TBC1D22A: variants seen among roughly 807,000 people sequenced by gnomAD.
TBC1D22A encodes TBC1 domain family member 22A.
A neutral mutation model predicts 60.2 loss-of-function variants in TBC1D22A; 38 were observed. The ratio of observed to expected loss-of-function variants is 0.63; its 90% CI spans 0.49 to 0.83. The LOEUF is 0.83. TBC1D22A is among the 40% of genes least tolerant of loss of function. The pLI is 0.00. For missense variants in TBC1D22A, 628 were observed against 701.0 expected, an observed-to-expected ratio of 0.90 and a Z score of 1.18; for synonymous variants, 302 against 281.7, an observed-to-expected ratio of 1.07 and a Z score of -0.72.
chr22:47,012,950 C>T (rs1396503791), intron 10 of TBC1D22A, among the ~76,000 whole-genome samples: 1 of 152,176 alleles, frequency 6.6e-6, no homozygotes, highest in Non-Finnish European at 1.5e-5. Context: ...CTCTGGCCAC[C>T]CCCACCCAGT....
intron 11 of TBC1D22A, among the ~76,000 whole-genome samples, chr22:47,063,827 G>A (rs894355266): frequency 7.9e-5 from 12 of 152,306 alleles, no homozygotes; most frequent in Admixed American, 7.8e-4. Flanking sequence ...CTGACTCATG[G>A]CAGCCTCACT....
intron 8 of TBC1D22A, among the ~76,000 whole-genome samples, chr22:46,943,234 GT>G (rs1176697011): frequency 3.9e-5 from 6 of 152,206 alleles, no homozygotes; most frequent in African/African-American, 1.4e-4. Context: ...CCATCTCGGT[GT>G]AATTAATGAG....
At chr22:47,143,330 C>T (rs2067174675) in intron 12 of TBC1D22A, among the ~76,000 whole-genome samples, 1 of 152,216 alleles carries the variant, frequency 6.6e-6, no homozygotes, top group African/African-American at 2.4e-5. Flanking sequence ...GGCCTGAGTA[C>T]TTGGCAGTGA....
chr22:47,173,056 C>T (rs1036660978), intron 12 of TBC1D22A, among the ~76,000 whole-genome samples: 1 of 152,262 alleles, frequency 6.6e-6, no homozygotes, highest in Non-Finnish European at 1.5e-5. Flanking sequence ...GAGTGGGAAG[C>T]TCCTGGGCGG....
At chr22:47,111,876 G>A (rs370867960) in intron 12 of TBC1D22A, among the ~76,000 whole-genome samples, 101 of 152,300 alleles carry the variant, frequency 6.6e-4, no homozygotes, top group African/African-American at 2.3e-3. Context: ...CTGGGGCAGC[G>A]TGCCCCTCAG....
chr22:47,075,585 A>T (rs541074826), intron 11 of TBC1D22A, among the ~76,000 whole-genome samples: 1 of 152,358 alleles, frequency 6.6e-6, no homozygotes, highest in East Asian at 1.9e-4. Flanking sequence ...AGTAGAGGGA[A>T]AAAGAGAGAG....
chr22:46,772,916 C>G (rs2083551758), intron 1 of TBC1D22A, among the ~76,000 whole-genome samples: 1 of 152,210 alleles, frequency 6.6e-6, no homozygotes, highest in Non-Finnish European at 1.5e-5. Flanking sequence ...GCATGAGCCA[C>G]TGCATGTGGC....
chr22:46,859,170 TTTG>T (rs1569140406), intron 4 of TBC1D22A, among the ~76,000 whole-genome samples: 18 of 55,424 alleles, frequency 3.2e-4, no homozygotes, highest in East Asian at 1.1e-3. Flanking sequence ...AGAATCCTTT[TTTG>T]ATAGAGGTCC....
intron 8 of TBC1D22A, among the ~76,000 whole-genome samples, chr22:46,948,778 G>A (rs573471347): frequency 3.3e-5 from 5 of 152,362 alleles, no homozygotes; most frequent in South Asian, 2.1e-4. Flanking sequence ...GGTAAAGACC[G>A]TGCCTTTCTC....
chr22:47,005,044 C>A (rs2061537842), intron 10 of TBC1D22A, among the ~76,000 whole-genome samples: 1 of 151,692 alleles, frequency 6.6e-6, no homozygotes, highest in Non-Finnish European at 1.5e-5. Flanking sequence ...CCTATACACA[C>A]CCACCATATA....
At chr22:47,159,364 C>T (rs1241271560) in intron 12 of TBC1D22A, among the ~76,000 whole-genome samples, 1 of 150,584 alleles carries the variant, frequency 6.6e-6, no homozygotes, top group Non-Finnish European at 1.5e-5. Context: ...AAAGCACATA[C>T]ACTCATGTAT....
rs1408117825 is a variant in TBC1D22A, at chr22:47,173,482, G to C, written c.1426-16G>C. 6.2e-7 allele frequency: 1 copy of C among 1,613,456 alleles called. No individual in the cohort carries two copies. Among genetic ancestry groups the C allele is most frequent in the African/African-American group, 1.3e-5 (1 of 74,906 alleles). On this transcript the variant is annotated splice_polypyrimidine_tract_variant and intron_variant, in intron 12 of 12. Coordinates refer to ENST00000337137, the MANE Select transcript of TBC1D22A (RefSeq NM_014346.5). The stretch of plus-strand genomic sequence containing the variant: ...GGGTCACCTCCTCTGACCTGGGCTT[G>C]TCTCTTTCTCCCCAGGAGCTGCTGC...
At chr22:47,042,342 T>C (rs539040801) in intron 11 of TBC1D22A, among the ~76,000 whole-genome samples, 1 of 152,212 alleles carries the variant, frequency 6.6e-6, no homozygotes, top group South Asian at 2.1e-4. Context: ...ATCAGTGCGC[T>C]GTGGCAGTGG....
intron 8 of TBC1D22A, among the ~76,000 whole-genome samples, chr22:46,950,701 G>A (rs191956778): frequency 5.9e-5 from 9 of 152,300 alleles, no homozygotes; most frequent in East Asian, 1.9e-4. Context: ...AGGTATTCAC[G>A]GTAGATGTGC....
intron 11 of TBC1D22A, among the ~76,000 whole-genome samples, chr22:47,071,572 A>T (rs2063991103): frequency 2.6e-5 from 4 of 152,206 alleles, no homozygotes; most frequent in Non-Finnish European, 5.9e-5. Flanking sequence ...TTACAACGGG[A>T]AGCCCTTCAC....
At chr22:46,766,925 C>G (rs1432787082) in intron 1 of TBC1D22A, among the ~76,000 whole-genome samples, 1 of 152,166 alleles carries the variant, frequency 6.6e-6, no homozygotes, top group African/African-American at 2.4e-5. Context: ...TCCTGTTCTC[C>G]CTGGTATGTG....
At chr22:47,140,719 C>T (rs906903905) in intron 12 of TBC1D22A, among the ~76,000 whole-genome samples, 4 of 152,248 alleles carry the variant, frequency 2.6e-5, no homozygotes, top group Non-Finnish European at 5.9e-5. Flanking sequence ...CCCTGAAAGC[C>T]TGGCCCTGGC....
Position 47,111,568 on chromosome 22 carries a change from T to C in TBC1D22A, c.1390T>C (p.Trp464Arg), listed in dbSNP as rs1450202904. 1.9e-6 allele frequency: 3 copies of C among 1,614,020 alleles called. No individual in the cohort carries two copies. Among genetic ancestry groups the C allele is most frequent in the South Asian group, 1.1e-5 (1 of 91,068 alleles). ...CGTGTGCGCTGCTTTTCTCGTGAGA[T>C]GGAGGAAGGAAATACTAGAAGAAAA... ...LYVCAAFLVRWRKEILEEKDF... is the reference protein window; with the variant it reads ...LYVCAAFLVRRRKEILEEKDF... Residue 464 changes from tryptophan to arginine, a missense_variant, in exon 12 of 13, where the codon TGG becomes CGG. Physicochemically the swap from Trp to Arg is moderately radical, Grantham distance 101. Transcript: ENST00000337137.
intron 4 of TBC1D22A, among the ~76,000 whole-genome samples, chr22:46,814,134 T>C (rs1317354367): frequency 6.6e-6 from 1 of 152,266 alleles, no homozygotes; most frequent in Non-Finnish European, 1.5e-5. Context: ...TCATCTTTGC[T>C]ATTCTTAAAT....
Sources: allele counts gnomAD v4.1 joint callset (sites outside exome capture counted in the v4.1 genomes callset), GRCh38; gene constraint gnomAD v4.1.1; transcripts MANE v1.5; gene names NCBI Gene and HGNC (gene_info 2026-07-23, HGNC 2026-07-21).